The following CACNA1A variants were observed in gnomAD, a reference collection of about 807,000 sequenced individuals.
CACNA1A encodes the protein voltage-dependent P/Q-type calcium channel subunit alpha-1A.
A neutral mutation model predicts 262.4 loss-of-function variants in CACNA1A; 57 were observed. That is an observed-to-expected ratio of 0.22 (90% CI 0.18 to 0.27). CACNA1A has a LOEUF of 0.27. Ranked by LOEUF, CACNA1A falls within the 10% of genes least tolerant of loss-of-function variation. The pLI is 1.00. For synonymous variants in CACNA1A, 1,431 were observed against 1,419.3 expected (o/e 1.01, Z -0.18); for missense variants, 2,526 against 3,562.8 (o/e 0.71, Z 7.41).
Position 13,381,229 on chromosome 19 carries a change from A to T in CACNA1A, c.540-9450T>A, listed in dbSNP as rs563291244. Among the ~76,000 whole-genome samples, 14 of 152,078 alleles carry T rather than the reference A, an allele frequency of 9.2e-5. No individual in the cohort carries two copies. The South Asian group carries it at 1.0e-3, about 11-fold the overall frequency. On this transcript the variant is annotated intron_variant, in intron 3 of 46. Coordinates refer to ENST00000360228, the MANE Select transcript of CACNA1A (RefSeq NM_001127222.2). ...GCAAGACCTTGTCGCTATTAAAAAAAATAATAACAATTAAAAAAATGGGCG... is the reference window on the plus strand; with the variant it reads ...GCAAGACCTTGTCGCTATTAAAAAATATAATAACAATTAAAAAAATGGGCG...
At chr19:13,366,213 C>T (rs1044089987) in intron 4 of CACNA1A, 1 of 152,186 alleles carries the variant, frequency 6.6e-6, no homozygotes, top group Non-Finnish European at 1.5e-5. Flanking sequence ...CCACCCGCCT[C>T]GGTCTTCCAA....
At chr19:13,380,752 TATTTA>T (rs2059510474) in intron 3 of CACNA1A, among the ~76,000 whole-genome samples, 1 of 79,648 alleles carries the variant, frequency 1.3e-5, no homozygotes, top group South Asian at 4.9e-4. Flanking sequence ...TTTGTTTGTT[TATTTA>T]TTTATTTATT....
intron 8 of CACNA1A, 93 bp downstream of exon 8, chr19:13,334,285 C>T: frequency 2.6e-6 from 2 of 759,476 alleles, no homozygotes; most frequent in Admixed American, 2.0e-5. Flanking sequence ...CATCATAACC[C>T]TCCCAGCTTA....
chr19:13,364,294 C>T (rs1039289610), intron 5 of CACNA1A: 7 of 152,372 alleles, frequency 4.6e-5, no homozygotes, highest in Middle Eastern at 3.4e-3. Flanking sequence ...CAAAATAAAT[C>T]CATGGGTTCC....
intron 1 of CACNA1A, among the ~76,000 whole-genome samples, chr19:13,457,002 C>A (rs1016565165): frequency 1.4e-4 from 22 of 152,034 alleles, no homozygotes; most frequent in African/African-American, 5.3e-4. Context: ...GTAATCCCAG[C>A]ACTTTGGGAG....
chr19:13,210,521 C>T (rs1438538642), intron 44 of CACNA1A, 96 bp downstream of exon 44: 15 of 1,046,714 alleles, frequency 1.4e-5, no homozygotes, highest in South Asian at 4.3e-5. Flanking sequence ...GGGTGGGGTC[C>T]GGGGACGGTG....
In CACNA1A at chr19:13,379,247, T is replaced by C. The variant is rs199959053; in HGVS notation, c.540-7468A>G. 5.3e-5 allele frequency among the ~76,000 whole-genome samples: 8 copies of C among 152,238 alleles called. No homozygotes were observed. The East Asian group carries it at 1.2e-3, about 22-fold the overall frequency. ...CCTCCTGCCTTGGCCTCCCAAAGTG[T>C]TGGGATTACAAGCCACTGTGCTCAG... On this transcript the variant is annotated intron_variant, in intron 3 of 46. Transcript: ENST00000360228.
chr19:13,359,455 C>T (rs892596207), intron 6 of CACNA1A, 151 bp downstream of exon 6: 1 of 609,148 alleles, frequency 1.6e-6, no homozygotes, highest in Admixed American at 2.6e-5. Flanking sequence ...AAAGCCTGAG[C>T]CTCAGGCCAG....
chr19:13,482,420 T>C (rs1191342040), intron 1 of CACNA1A, among the ~76,000 whole-genome samples: 1 of 151,742 alleles, frequency 6.6e-6, no homozygotes, highest in East Asian at 1.9e-4. Context: ...GAGGCAGAGC[T>C]TCCAGTGAGC....
chr19:13,207,853 C>A lies in CACNA1A; in HGVS notation c.6981G>T (p.Val2327=). 1 of 1,458,268 alleles carries A rather than the reference C, an allele frequency of 6.9e-7. No individual in the cohort carries two copies. 90.3% of individuals were successfully genotyped at this position (1,458,268 alleles called of 1,614,324 possible). A position where few individuals can be genotyped will look rare whatever the true frequency, so the allele number is the denominator to read the frequency against. The change falls in exon 47 of 47, where the codon GTG becomes GTT. Residue 2327 remains valine, a synonymous_variant. Transcript: ENST00000360228. The surrounding 1 kb of genome is among the most constrained non-coding windows in gnomAD (Gnocchi z 5.7). The part of the protein sequence containing the change: ...QQQQQQQQQA[V]ARPGRAATSG... ...TGGTGGCCGCCCGGCCCGGCCTGGC[C>A]ACCGCCTGCTGCTGCTGCTGCTGCT... is the stretch of plus-strand genomic sequence containing the variant.
intron 24 of CACNA1A, among the ~76,000 whole-genome samples, chr19:13,267,618 C>T (rs1459749191): frequency 6.6e-6 from 1 of 152,062 alleles, no homozygotes; most frequent in Non-Finnish European, 1.5e-5. Context: ...GGGTTTGAAT[C>T]CTGACTCTGC....
intron 12 of CACNA1A, among the ~76,000 whole-genome samples, chr19:13,311,203 C>T (rs1035307585): frequency 3.3e-5 from 5 of 152,186 alleles, no homozygotes; most frequent in African/African-American, 1.2e-4. Flanking sequence ...AATCCTCCCA[C>T]CTTAGCCTTC....
intron 3 of CACNA1A, among the ~76,000 whole-genome samples, chr19:13,428,100 G>GT (rs1337564125): frequency 2.0e-5 from 3 of 152,156 alleles, no homozygotes; most frequent in Non-Finnish European, 2.9e-5. Context: ...GCTAATTTTT[G>GT]TATTATTAGC....
At chr19:13,352,773 C>T (rs147158976) in intron 6 of CACNA1A, among the ~76,000 whole-genome samples, 7 of 152,260 alleles carry the variant, frequency 4.6e-5, no homozygotes, top group African/African-American at 9.6e-5. Flanking sequence ...ACTAGGGAAC[C>T]ATGCATCACT....
intron 40 of CACNA1A, among the ~76,000 whole-genome samples, chr19:13,213,412 C>CT (rs1402944315): frequency 6.6e-6 from 1 of 152,152 alleles, no homozygotes; most frequent in African/African-American, 2.4e-5. Context: ...CTGGATACTC[C>CT]TATCTTCTGG....
chr19:13,344,654 C>G (rs2058730671), intron 6 of CACNA1A, among the ~76,000 whole-genome samples: 1 of 152,154 alleles, frequency 6.6e-6, no homozygotes. Context: ...AGATCAGCAC[C>G]AGGGACATAG....
intron 3 of CACNA1A, among the ~76,000 whole-genome samples, chr19:13,373,569 T>C (rs2059358905): frequency 6.6e-6 from 1 of 152,174 alleles, no homozygotes; most frequent in South Asian, 2.1e-4. Context: ...CGGAGCTCAG[T>C]TGCCTACAGG....
chr19:13,251,160 C>T (rs988315162), intron 30 of CACNA1A, among the ~76,000 whole-genome samples: 1 of 145,962 alleles, frequency 6.9e-6, no homozygotes, highest in African/African-American at 2.5e-5. Context: ...TTAAAAATGG[C>T]GATCTAACAA....
At chr19:13,502,364 G>A (rs539397645) in intron 1 of CACNA1A, among the ~76,000 whole-genome samples, 3 of 152,288 alleles carry the variant, frequency 2.0e-5, no homozygotes, top group East Asian at 3.9e-4. Context: ...CCGATGGCCT[G>A]AGTTTCTACA....
Sources: gnomAD v4.1 joint callset for allele counts (sites outside exome capture counted in the v4.1 genomes callset) on GRCh38, gnomAD v4.1.1 for gene constraint, Gnocchi (gnomAD v3.1) non-coding constraint, MANE v1.5 for transcripts, NCBI Gene and HGNC (gene_info 2026-07-23, HGNC 2026-07-21) for gene names.